Variants in TMOD1 observed in about 807,000 individuals in gnomAD.
TMOD1 encodes tropomodulin-1.
TMOD1 carries 17 observed loss-of-function variants against 40.6 expected under a neutral mutation model. The ratio of observed to expected loss-of-function variants is 0.42; its 90% confidence interval spans 0.29 to 0.63. The LOEUF is 0.63. Among genes scored for constraint, TMOD1 ranks in the 20% least tolerant of loss-of-function variants. The probability of loss-of-function intolerance (pLI) is 0.22; values close to 1 mark genes in which losing one functional copy is unlikely to be tolerated. For missense variants in TMOD1, 391 were observed against 447.6 expected (o/e 0.87, Z 1.14); for synonymous variants, 181 against 175.0 (o/e 1.03, Z -0.27).
chr9:97,590,634 T>A (rs554033155), intron 8 of TMOD1, among the ~76,000 whole-genome samples: 8 of 151,708 alleles, frequency 5.3e-5, no homozygotes, highest in Admixed American at 5.3e-4. Context: ...TTTTTTTTTC[T>A]GATTTTTTTT....
At chr9:97,587,618 C>G (rs1049594766) in intron 8 of TMOD1, among the ~76,000 whole-genome samples, 1 of 151,956 alleles carries the variant, frequency 6.6e-6, no homozygotes, top group African/African-American at 2.4e-5. Context: ...CTTCACACAC[C>G]ACACAATTCA....
chr9:97,569,035 C>A lies in TMOD1; in HGVS notation c.868C>A (p.Gln290Lys). ...TCTGGTGGAAATGAAAATTGACAAC[C>A]AGGTGAGATGGGCAACGGTCTCCTC... ...TSLVEMKIDN[Q>K]SQPLGNKVEM... is the part of the protein sequence containing the mutation. The change falls in exon 8 of 10, where the codon CAG (glutamine) becomes AAG (lysine). Residue 290 changes from glutamine (Q) to lysine (K), a missense_variant and splice_region_variant. Transcript: ENST00000259365. The A allele has an allele frequency of 6.2e-7, 1 of 1,614,050 alleles. No homozygotes were observed.
intron 6 of TMOD1, 113 bp from the exon 7 acceptor site, chr9:97,565,735 C>CT (rs1191587550): frequency 7.3e-6 from 6 of 820,448 alleles, no homozygotes; most frequent in Non-Finnish European, 1.2e-5. Flanking sequence ...GCCCATTCAG[C>CT]TTTTTGGCCA....
intron 1 of TMOD1, among the ~76,000 whole-genome samples, chr9:97,508,919 T>C (rs1355748073): frequency 1.3e-5 from 2 of 152,216 alleles, no homozygotes; most frequent in Non-Finnish European, 2.9e-5. Context: ...TTAAAAAGGC[T>C]TGAGATGGCT....
intron 2 of TMOD1, among the ~76,000 whole-genome samples, chr9:97,536,441 A>T (rs556608191): frequency 6.6e-6 from 1 of 151,972 alleles, no homozygotes; most frequent in Admixed American, 6.5e-5. Context: ...AAGTGAGGCC[A>T]CTTTGGTTTC....
At chr9:97,595,210 C>G (rs746283831) in intron 9 of TMOD1, among the ~76,000 whole-genome samples, 131 of 152,304 alleles carry the variant, frequency 8.6e-4, no homozygotes, top group South Asian at 1.2e-3. Flanking sequence ...ATATCATCAC[C>G]TCAAATACTT....
chr9:97,555,497 C>G, intron 4 of TMOD1: 1 of 1,442,880 alleles, frequency 6.9e-7, no homozygotes, highest in South Asian at 1.5e-5. Flanking sequence ...AACTACTTCT[C>G]TTTATTTTTG....
chr9:97,566,157 C>T (rs945268678), intron 7 of TMOD1, among the ~76,000 whole-genome samples: 3 of 152,180 alleles, frequency 2.0e-5, no homozygotes, highest in Non-Finnish European at 2.9e-5. Context: ...GGCCAATCCT[C>T]ACACCCACTT....
intron 9 of TMOD1, among the ~76,000 whole-genome samples, chr9:97,597,617 G>C (rs923345537): frequency 6.6e-6 from 1 of 150,438 alleles, no homozygotes; most frequent in South Asian, 2.1e-4. Context: ...ACAATTGCTT[G>C]AACTCGGGAG....
chr9:97,502,939 C>A lies in TMOD1; in HGVS notation c.-49+1136C>A, dbSNP rs1432157793. Reference sequence around the variant, plus strand: ...TCCTCCAACCTGCGCAGCGCCGCCCCCTCCTACACCCTTCACCCACCGCTA... The same window carrying A: ...TCCTCCAACCTGCGCAGCGCCGCCCACTCCTACACCCTTCACCCACCGCTA... On this transcript the variant is annotated intron_variant, in intron 1 of 9. Transcript: ENST00000259365. The surrounding 1 kb of genome is among the most constrained non-coding windows in gnomAD (Gnocchi z 6.1). 6.6e-6 allele frequency among the ~76,000 whole-genome samples: 1 copy of A among 152,038 alleles called. No homozygotes were observed. Among genetic ancestry groups the A allele is most frequent in the Non-Finnish European group, 1.5e-5 (1 of 68,008 alleles).
intron 8 of TMOD1, among the ~76,000 whole-genome samples, chr9:97,590,165 T>C (rs1825972157): frequency 6.6e-6 from 1 of 152,128 alleles, no homozygotes; most frequent in Admixed American, 6.5e-5. Flanking sequence ...CTATTTAGTA[T>C]GGTTGAACTA....
intron 8 of TMOD1, among the ~76,000 whole-genome samples, chr9:97,577,665 G>A (rs572800823): frequency 1.3e-3 from 197 of 152,274 alleles, no homozygotes; most frequent in African/African-American, 4.4e-3. Context: ...GTGCTACTCA[G>A]GAGGCTGAGG....
At chr9:97,548,582 G>A (rs1036748595) in intron 3 of TMOD1, among the ~76,000 whole-genome samples, 1 of 152,164 alleles carries the variant, frequency 6.6e-6, no homozygotes, top group Admixed American at 6.5e-5. Context: ...TCCCAGGGGA[G>A]GACCTGGAGG....
intron 3 of TMOD1, among the ~76,000 whole-genome samples, chr9:97,548,658 C>G (rs1190633127): frequency 6.6e-6 from 1 of 152,184 alleles, no homozygotes; most frequent in Non-Finnish European, 1.5e-5. Context: ...TCCTCCAGCT[C>G]TGGACTGGGC....
intron 1 of TMOD1, among the ~76,000 whole-genome samples, chr9:97,511,108 A>ACACACAGACACACACACACACACACACG (rs1554752913): frequency 3.3e-5 from 5 of 149,714 alleles, no homozygotes; most frequent in Non-Finnish European, 7.4e-5. Context: ...ACACACACAC[A>ACACACAGACACACACACACACACACACG]CACAGGCTTT....
intron 4 of TMOD1, among the ~76,000 whole-genome samples, chr9:97,556,336 CT>C: frequency 6.6e-6 from 1 of 152,312 alleles, no homozygotes; most frequent in Non-Finnish European, 1.5e-5. Flanking sequence ...ACTTCAGAAA[CT>C]CCGCATGAGA....
At chr9:97,559,792 A>ATATATATAT (rs1465118191) in intron 4 of TMOD1, among the ~76,000 whole-genome samples, 5 of 35,078 alleles carry the variant, frequency 1.4e-4, no homozygotes, top group South Asian at 2.1e-3. Flanking sequence ...AAAAAAAAAA[A>ATATATATAT]AAATATATAT....
intron 8 of TMOD1, among the ~76,000 whole-genome samples, chr9:97,586,540 G>C (rs1247674120): frequency 2.6e-5 from 4 of 151,826 alleles, no homozygotes; most frequent in African/African-American, 7.3e-5. Context: ...CACCCAGTTC[G>C]AGCTTCCCGG....
At chr9:97,518,943 A>C (rs1021283121) in intron 1 of TMOD1, among the ~76,000 whole-genome samples, 4 of 152,248 alleles carry the variant, frequency 2.6e-5, no homozygotes, top group Admixed American at 2.0e-4. Context: ...TTCTAAGTCA[A>C]CCTTGCCTTC....
Sources: gnomAD v4.1 joint callset for allele counts (sites outside exome capture counted in the v4.1 genomes callset) on GRCh38, gnomAD v4.1.1 for gene constraint, Gnocchi (gnomAD v3.1) non-coding constraint, MANE v1.5 for transcripts, NCBI Gene and HGNC (gene_info 2026-07-23, HGNC 2026-07-21) for gene names.